HTT: variants seen among roughly 807,000 people sequenced by gnomAD.
HTT encodes the protein huntingtin.
In HTT, 104 loss-of-function variants were observed where a neutral mutation model predicts 362.3. The observed-to-expected ratio is 0.29, with a 90% CI of 0.24 to 0.34. The LOEUF is 0.34. Among genes scored for constraint, HTT ranks in the 10% least tolerant of loss-of-function variants. The probability of loss-of-function intolerance (pLI) is 1.00; values close to 1 mark genes in which losing one functional copy is unlikely to be tolerated. For synonymous variants in HTT, 1,577 were observed against 1,548.7 expected (o/e 1.02, Z -0.43); for missense variants, 3,301 against 3,928.6 (o/e 0.84, Z 4.27).
intron 5 of HTT, 145 bp from the exon 6 acceptor site, chr4:3,107,140 C>T: frequency 4.4e-6 from 3 of 688,268 alleles, no homozygotes; most frequent in Non-Finnish European, 7.2e-6. Context: ...CACATTTCAT[C>T]CTCCTGTTCT....
chr4:3,174,411 T>G (rs1197314234), intron 31 of HTT, among the ~76,000 whole-genome samples: 1 of 152,248 alleles, frequency 6.6e-6, no homozygotes, highest in African/African-American at 2.4e-5. Flanking sequence ...ACCTTCACCT[T>G]TCTCTCAAAT....
chr4:3,128,134 T>C (rs558753811), intron 12 of HTT, among the ~76,000 whole-genome samples: 1 of 152,152 alleles, frequency 6.6e-6, no homozygotes, highest in South Asian at 2.1e-4. Flanking sequence ...GGTTTCACCA[T>C]GTTGGCCAGG....
chr4:3,169,993 A>G (rs545670319), intron 29 of HTT, among the ~76,000 whole-genome samples: 11 of 152,302 alleles, frequency 7.2e-5, no homozygotes, highest in African/African-American at 2.6e-4. Flanking sequence ...AACTGTTTTA[A>G]TATCCTTCTC....
In HTT at chr4:3,233,206, C is replaced by T. The variant is rs1479122378; in HGVS notation, c.8309C>T (p.Thr2770Met). Residue 2770 changes from threonine (T) to methionine (M), a missense_variant, in exon 61 of 67, where the codon ACG (threonine) becomes ATG (methionine). Physicochemically the swap from Thr to Met is moderately conservative, Grantham distance 81. This residue lies in a region of HTT where 753 missense variants were observed against 1,021.3 expected (regional missense o/e 0.74). Transcript: ENST00000355072. ...AEPVSRLLESTLRSSHLPSRV... is the reference protein window; with the variant it reads ...AEPVSRLLESMLRSSHLPSRV... ...CCTGTCAGCCGCCTGCTGGAGAGCA[C>T]GCTCAGGAGCAGCCACCTGCCCAGC... 7 of 1,598,920 alleles carry T rather than the reference C, an allele frequency of 4.4e-6. No individual in the cohort carries two copies. The highest frequency in any genetic ancestry group is 6.0e-6 in the Non-Finnish European group (7 of 1,168,096).
At chr4:3,161,762 T>A (rs1268410794) in intron 29 of HTT, among the ~76,000 whole-genome samples, 1 of 152,218 alleles carries the variant, frequency 6.6e-6, no homozygotes, top group Non-Finnish European at 1.5e-5. Flanking sequence ...CATTTTTTGA[T>A]GGGGTTGTTT....
intron 1 of HTT, among the ~76,000 whole-genome samples, chr4:3,080,905 G>T (rs1024132267): frequency 6.6e-6 from 1 of 152,160 alleles, no homozygotes; most frequent in Non-Finnish European, 1.5e-5. Flanking sequence ...GTCCTTAATT[G>T]TATAAATTTA....
chr4:3,086,474 A>G (rs892892935), intron 1 of HTT, among the ~76,000 whole-genome samples: 2 of 152,134 alleles, frequency 1.3e-5, no homozygotes, highest in African/African-American at 4.8e-5. Context: ...AGTTTGAGCA[A>G]TTGGGCAACA....
At chr4:3,204,179 A>AG in intron 42 of HTT, 31 bp downstream of exon 42, 1 of 1,613,002 alleles carries the variant, frequency 6.2e-7, no homozygotes, top group South Asian at 1.1e-5. Flanking sequence ...AACGGGGTTG[A>AG]GGGAGGTGGG....
At chr4:3,187,961 C>T in intron 39 of HTT, 75 bp downstream of exon 39, 1 of 815,730 alleles carries the variant, frequency 1.2e-6, no homozygotes, top group Non-Finnish European at 2.0e-6. Flanking sequence ...GTCAGTAAGT[C>T]TGGAATAATA....
In HTT at chr4:3,151,384, A is replaced by G. The variant is rs577945085; in HGVS notation, c.3499-2909A>G. 2.4e-3 allele frequency among the ~76,000 whole-genome samples: 363 copies of G among 151,880 alleles called. 1 individual carries two copies. Among genetic ancestry groups the G allele is most frequent in the Non-Finnish European group, 4.4e-3 (299 of 67,890 alleles). ...AGAGAGAGACAGAGAGAGAGAGAGA[A>G]AAAGAAAGATTGAGAGGGAGAGAGG... On this transcript the variant is annotated intron_variant, in intron 26 of 66. Transcript: ENST00000355072.
intron 37 of HTT, among the ~76,000 whole-genome samples, chr4:3,183,631 G>C (rs2110243836): frequency 6.6e-6 from 1 of 152,272 alleles, no homozygotes; most frequent in Admixed American, 6.5e-5. Flanking sequence ...AACAGGACAG[G>C]GATCTTGGCT....
At chr4:3,102,766 A>G (rs907980900) in intron 3 of HTT, among the ~76,000 whole-genome samples, 1 of 152,220 alleles carries the variant, frequency 6.6e-6, no homozygotes, top group African/African-American at 2.4e-5. Flanking sequence ...TGGGGCACCA[A>G]AGTCTTCCCT....
chr4:3,229,327 ACAC>A, intron 59 of HTT, among the ~76,000 whole-genome samples: 1 of 137,626 alleles, frequency 7.3e-6, no homozygotes, highest in African/African-American at 2.8e-5. Flanking sequence ...CACACCACAC[ACAC>A]CACATGCACC....
chr4:3,204,074 T>G lies in HTT; in HGVS notation c.5644T>G (p.Leu1882Val). ...QMSGEEEDSD[L>V]AAKLGMCNRE... Reference sequence around the variant, plus strand: ...GTCTGGAGAAGAGGAGGATTCTGACTTGGCAGCCAAACTTGGAATGTGCAA... The same window carrying G: ...GTCTGGAGAAGAGGAGGATTCTGACGTGGCAGCCAAACTTGGAATGTGCAA... The change falls in exon 42 of 67, where the codon TTG (leucine) becomes GTG (valine). Residue 1882 changes from leucine (L) to valine (V), a missense_variant. Physicochemically the swap from Leu to Val is conservative, Grantham distance 32 (BLOSUM62 1). Transcript: ENST00000355072. 1 of 1,614,164 alleles carries G rather than the reference T, an allele frequency of 6.2e-7. No individual in the cohort carries two copies. The highest frequency in any genetic ancestry group is 1.7e-5 in the Admixed American group (1 of 60,024).
chr4:3,145,142 T>TAAG lies in HTT; in HGVS notation c.3067-10_3067-9insAAG. 1 of 1,606,258 alleles carries TAAG rather than the reference T, an allele frequency of 6.2e-7. No homozygotes were observed. Among genetic ancestry groups the TAAG allele is most frequent in the Non-Finnish European group, 8.5e-7 (1 of 1,172,792 alleles). ...GTTTGGGTGTGATTTTATTGTTTCT[T>TAAG]TCTTCTCAGTTTGGATGCTGTGAAG... On this transcript the variant is annotated splice_polypyrimidine_tract_variant and intron_variant, in intron 23 of 66. Transcript: ENST00000355072.
chr4:3,165,816 T>A (rs2110223982), intron 29 of HTT, among the ~76,000 whole-genome samples: 1 of 152,212 alleles, frequency 6.6e-6, no homozygotes. Flanking sequence ...GTCTAACATT[T>A]TTTTCAAGGT....
At chr4:3,138,239 A>AT (rs147835164) in intron 21 of HTT, among the ~76,000 whole-genome samples, 22,346 of 148,922 alleles carry the variant, frequency 0.15, 2,987 homozygotes, top group African/African-American at 0.37. Flanking sequence ...ACATATACAC[A>AT]TTTTTTTAAA....
intron 29 of HTT, among the ~76,000 whole-genome samples, chr4:3,164,469 C>T (rs6828882): frequency 6.6e-6 from 1 of 151,994 alleles, no homozygotes. Flanking sequence ...GAGTTCAAGT[C>T]CTGGATATCC....
At chr4:3,086,062 C>A (rs1713193193) in intron 1 of HTT, among the ~76,000 whole-genome samples, 1 of 152,114 alleles carries the variant, frequency 6.6e-6, no homozygotes, top group African/African-American at 2.4e-5. Flanking sequence ...CTGAAGGCAG[C>A]CTGGTATATA....
Sources: allele counts gnomAD v4.1 joint callset (sites outside exome capture counted in the v4.1 genomes callset), GRCh38; gene constraint gnomAD v4.1.1; regional missense constraint gnomAD v4.1.1; transcripts MANE v1.5; gene names NCBI Gene and HGNC (gene_info 2026-07-23, HGNC 2026-07-21).